ZNF212: variants seen among roughly 807,000 people sequenced by gnomAD.
ZNF212 encodes the protein zinc finger protein 212, also known as Zinc finger protein C2H2-150.
In ZNF212, 32 loss-of-function variants were observed where a neutral mutation model predicts 47.3. The ratio of observed to expected loss-of-function variants is 0.68; its 90% CI spans 0.51 to 0.91. The LOEUF is 0.91. Among genes scored for constraint, ZNF212 ranks in the 40% least tolerant of loss-of-function variants. The pLI is 0.00. For missense variants in ZNF212, 555 were observed against 622.8 expected (o/e 0.89, Z 1.16); for synonymous variants, 242 against 253.8 (o/e 0.95, Z 0.44).
intron 1 of ZNF212, among the ~76,000 whole-genome samples, chr7:149,244,390 G>A (rs111284698): frequency 3.3e-5 from 5 of 152,218 alleles, no homozygotes; most frequent in South Asian, 2.1e-4. Flanking sequence ...TCGGCTCACT[G>A]CAAGCTCCGC....
rs1196772722 is a variant in ZNF212 at position 149,239,691 on chromosome 7, T to C, written c.-88T>C. On this transcript the variant is annotated 5_prime_UTR_variant, in exon 1 of 5. Transcript: ENST00000335870. ...TCAACACGGCGGCGGCGGCGGCGGC[T>C]TCCAACAGGCTCTGGGGCGCCGAGC... 2.6e-6 allele frequency: 2 copies of C among 777,426 alleles called. No homozygotes were observed. The highest frequency in any genetic ancestry group is 3.4e-6 in the Non-Finnish European group (2 of 591,098). The allele number at this position is 777,426 out of a possible 1,614,324, so 48.2% of individuals were successfully genotyped here.
intron 1 of ZNF212, among the ~76,000 whole-genome samples, chr7:149,243,713 T>C (rs1796633436): frequency 6.6e-6 from 1 of 152,084 alleles, no homozygotes; most frequent in Non-Finnish European, 1.5e-5. Context: ...CTGACAGAAT[T>C]GCGAGAAAGA....
rs1796791638 is a variant in ZNF212, at chr7:149,253,635, C to T, written c.708C>T (p.Cys236=). 1 of 1,614,214 alleles carries T rather than the reference C, an allele frequency of 6.2e-7. No homozygotes were observed. Residue 236 remains cysteine, a synonymous_variant, in exon 5 of 5, where the codon TGC becomes TGT. Transcript: ENST00000335870. ...GPADLPGEFS[C]IAEEQAFLSP... ...CGGATCTTCCTGGAGAGTTCTCATGCATTGCTGAAGAGCAGGCTTTCCTGA... is the reference window on the plus strand; with the variant it reads ...CGGATCTTCCTGGAGAGTTCTCATGTATTGCTGAAGAGCAGGCTTTCCTGA...
Position 149,254,436 on chromosome 7 carries a change from C to G in ZNF212, c.*21C>G, listed in dbSNP as rs759709790. The G allele has an allele frequency of 8.9e-6, 14 of 1,565,362 alleles. No individual in the cohort carries two copies. Among genetic ancestry groups the G allele is most frequent in the Non-Finnish European group, 1.1e-5 (13 of 1,163,764 alleles). On this transcript the variant is annotated 3_prime_UTR_variant, in exon 5 of 5. Coordinates refer to ENST00000335870, the MANE Select transcript of ZNF212 (RefSeq NM_012256.4). The surrounding 1 kb of genome is among the most constrained non-coding windows in gnomAD (Gnocchi z 4.5). ...TTTAAGGGTGCAGCCCCTCGCCCGTCTGGGGGATGGAGGGGGGTGGCATTG... is the reference window on the plus strand; with the variant it reads ...TTTAAGGGTGCAGCCCCTCGCCCGTGTGGGGGATGGAGGGGGGTGGCATTG...
Position 149,240,457 on chromosome 7 carries a change from T to G in ZNF212, c.24+655T>G, listed in dbSNP as rs1471089483. On this transcript the variant is annotated intron_variant, in intron 1 of 4. Transcript: ENST00000335870. Reference sequence around the variant, plus strand: ...GAATGTCAAGATACGGAGTTTGGTGTGAGGAAAATCCTATTTGTGGAGTCA... The same window carrying G: ...GAATGTCAAGATACGGAGTTTGGTGGGAGGAAAATCCTATTTGTGGAGTCA... Among the ~76,000 whole-genome samples, 7 of 141,560 alleles carry G rather than the reference T, an allele frequency of 4.9e-5. No homozygotes were observed. In the South Asian group the frequency reaches 1.7e-3, roughly 34 times the overall value. The allele number at this position is 141,560 out of a possible 152,430, so 92.9% of individuals were successfully genotyped here. A position where few individuals can be genotyped will look rare whatever the true frequency, so the allele number is the denominator to read the frequency against.
At chr7:149,242,021 C>CTTTTTTTTTTTTTTTTT (rs34883587) in intron 1 of ZNF212, among the ~76,000 whole-genome samples, 2 of 121,346 alleles carry the variant, frequency 1.6e-5, no homozygotes, top group Non-Finnish European at 1.7e-5. Flanking sequence ...CTTTTCTTTT[C>CTTTTTTTTTTTTTTTTT]TTTTTTTTTT....
intron 4 of ZNF212, among the ~76,000 whole-genome samples, chr7:149,253,281 G>A (rs1796784153): frequency 6.6e-6 from 1 of 151,944 alleles, no homozygotes; most frequent in South Asian, 2.1e-4. Context: ...TTTTTCACAG[G>A]GATTAAATAT....
chr7:149,250,085 C>T (rs1205549495), intron 1 of ZNF212, 74 bp from the exon 2 acceptor site: 2 of 1,385,956 alleles, frequency 1.4e-6, no homozygotes, highest in Non-Finnish European at 1.9e-6. Context: ...ACTCTGAGCA[C>T]TGATACACTT....
Position 149,254,304 on chromosome 7 carries a change from G to C in ZNF212, c.1377G>C (p.Glu459Asp). Reference sequence around the variant, plus strand: ...GTGAGCGGCCCTACAGCTGCACTGAGTGTGAGAAGAGCTTTGTCCAGAAGC... The same window carrying C: ...GTGAGCGGCCCTACAGCTGCACTGACTGTGAGAAGAGCTTTGTCCAGAAGC... ...HTGERPYSCT[E>D]CEKSFVQKQH... Residue 459 changes from glutamate to aspartate, a missense_variant, in exon 5 of 5, where the codon GAG (glutamate) becomes GAC (aspartate). Glu to Asp is a conservative substitution (Grantham distance 45, BLOSUM62 2). Transcript: ENST00000335870. The surrounding 1 kb of genome is among the most constrained non-coding windows in gnomAD (Gnocchi z 4.5). 6.2e-7 allele frequency: 1 copy of C among 1,614,076 alleles called. No homozygotes were observed. The highest frequency in any genetic ancestry group is 8.5e-7 in the Non-Finnish European group (1 of 1,180,050).
rs745699128 is a variant in ZNF212, at chr7:149,250,320, A to T, written c.186A>T (p.Leu62=). 6.2e-7 allele frequency: 1 copy of T among 1,613,990 alleles called. No individual in the cohort carries two copies. The highest frequency in any genetic ancestry group is 1.1e-5 in the South Asian group (1 of 91,078). ...AGATGGAGTCCCAGGCTGCCCGGCT[A>T]CAGAGCCTGGAGGGGCGCACGGGGA... ...EKKMESQAAR[L]QSLEGRTGTA... Residue 62 remains leucine (L), a synonymous_variant, in exon 2 of 5, where the codon CTA becomes CTT. Transcript: ENST00000335870.
At chr7:149,246,493 T>C (rs1796678770) in intron 1 of ZNF212, among the ~76,000 whole-genome samples, 1 of 151,784 alleles carries the variant, frequency 6.6e-6, no homozygotes, top group Non-Finnish European at 1.5e-5. Context: ...CACCATTCTC[T>C]CGCCTCAACC....
Position 149,252,755 on chromosome 7 carries a change from G to C in ZNF212, c.591G>C (p.Leu197=). 6.2e-7 allele frequency: 1 copy of C among 1,614,090 alleles called. No homozygotes were observed. Residue 197 remains leucine (L), a synonymous_variant, in exon 4 of 5, where the codon CTG becomes CTC. Transcript: ENST00000335870. ...EGEAELGTEM[L]GDLEEEGPGG... ...AAGCGGAGTTGGGTACAGAGATGCT[G>C]GGTGACTTGGAAGAGGAAGGTCCTG...
At chr7:149,250,954 C>A in intron 3 of ZNF212, 147 bp downstream of exon 3, 1 of 1,086,650 alleles carries the variant, frequency 9.2e-7, no homozygotes. Flanking sequence ...GTCTCTAGGT[C>A]CTCCCATTTA....
chr7:149,244,481 TC>T (rs1438995063), intron 1 of ZNF212, among the ~76,000 whole-genome samples: 1 of 151,824 alleles, frequency 6.6e-6, no homozygotes, highest in Non-Finnish European at 1.5e-5. Flanking sequence ...CCCGGCTAAT[TC>T]TTTTGTATTT....
intron 1 of ZNF212, among the ~76,000 whole-genome samples, chr7:149,248,043 A>G (rs1174277639): frequency 6.6e-6 from 1 of 152,178 alleles, no homozygotes; most frequent in Non-Finnish European, 1.5e-5. Context: ...AGACTGTTTC[A>G]CAACCCACTG....
At position 149,252,761 on chromosome 7, in the gene ZNF212, C is replaced by G. The variant is rs1489079522; in HGVS notation, c.597C>G (p.Asp199Glu). 6.2e-7 allele frequency: 1 copy of G among 1,614,080 alleles called. No homozygotes were observed. The highest frequency in any genetic ancestry group is 1.7e-5 in the Admixed American group (1 of 60,008). ...EAELGTEMLGDLEEEGPGGAH... is the reference protein window; with the variant it reads ...EAELGTEMLGELEEEGPGGAH... ...AGTTGGGTACAGAGATGCTGGGTGACTTGGAAGAGGAAGGTCCTGGTGGTG... is the reference window on the plus strand; with the variant it reads ...AGTTGGGTACAGAGATGCTGGGTGAGTTGGAAGAGGAAGGTCCTGGTGGTG... Residue 199 changes from aspartate (D) to glutamate (E), a missense_variant, in exon 4 of 5, where the codon GAC becomes GAG. Transcript: ENST00000335870.
In ZNF212 at chr7:149,254,392, G is replaced by T; in HGVS notation, c.1465G>T (p.Gly489Ter). The T allele has an allele frequency of 6.2e-7, 1 of 1,603,266 alleles. No individual in the cohort carries two copies. ...RERGGLALEP[G>*]RPNGLL ...GCGGGGTGGGCTGGCCCTGGAGCCC[G>T]GAAGGCCCAATGGCCTGCTTTAAGG... Residue 489 changes from glycine (G) to a stop codon, truncating the protein, a stop_gained, in exon 5 of 5, where the codon GGA (glycine) becomes TGA (stop). Transcript: ENST00000335870. LOFTEE classifies it high-confidence loss of function. The surrounding 1 kb of genome is among the most constrained non-coding windows in gnomAD (Gnocchi z 4.5).
At chr7:149,250,596 C>G (rs1371745596) in intron 2 of ZNF212, 48 bp downstream of exon 2, 2 of 1,605,692 alleles carry the variant, frequency 1.2e-6, no homozygotes, top group African/African-American at 1.3e-5. Context: ...GGAGCCAGCC[C>G]TTTAATATGT....
chr7:149,239,849 G>A, intron 1 of ZNF212, 47 bp downstream of exon 1: 1 of 1,265,842 alleles, frequency 7.9e-7, no homozygotes, highest in South Asian at 3.2e-5. Context: ...TGGGGATGGC[G>A]GAGTCCCCTG....
Sources: allele counts gnomAD v4.1 joint callset (sites outside exome capture counted in the v4.1 genomes callset), GRCh38; gene constraint gnomAD v4.1.1; non-coding constraint Gnocchi (gnomAD v3.1); transcripts MANE v1.5; gene names NCBI Gene and HGNC (gene_info 2026-07-23, HGNC 2026-07-21).